Variants in TRIM60 observed in about 807,000 individuals in gnomAD.
TRIM60 encodes tripartite motif-containing protein 60.
For missense variants in TRIM60, 524 were observed against 540.8 expected, an observed-to-expected ratio of 0.97 and a Z score of 0.31; for synonymous variants, 189 against 195.2, an observed-to-expected ratio of 0.97 and a Z score of 0.27.
At chr4:165,034,606 G>A (rs1420399031) in intron 1 of TRIM60, among the ~76,000 whole-genome samples, 1 of 152,200 alleles carries the variant, frequency 6.6e-6, no homozygotes, top group Non-Finnish European at 1.5e-5. Context: ...TAAACATGGT[G>A]TGTTAAAACA....
intron 1 of TRIM60, among the ~76,000 whole-genome samples, chr4:165,037,239 T>C (rs1579180258): frequency 6.6e-6 from 1 of 152,162 alleles, no homozygotes; most frequent in Admixed American, 6.5e-5. Context: ...ACGGATAGCG[T>C]GCTTAGTGAT....
intron 2 of TRIM60, 71 bp from the exon 3 acceptor site, chr4:165,039,998 A>G: frequency 7.9e-7 from 1 of 1,273,356 alleles, no homozygotes; most frequent in Non-Finnish European, 1.1e-6. Flanking sequence ...TCCACTTCTC[A>G]CTGGGTTTGC....
In TRIM60 at chr4:165,041,138, G is replaced by A; in HGVS notation, c.1066G>A (p.Val356Met). 1 of 1,614,190 alleles carries A rather than the reference G, an allele frequency of 6.2e-7. No individual in the cohort carries two copies. The highest frequency in any genetic ancestry group is 8.5e-7 in the Non-Finnish European group (1 of 1,180,032). Residue 356 changes from valine to methionine, a missense_variant, in exon 3 of 3, where the codon GTG becomes ATG. By Grantham distance (21) the Val-to-Met change is conservative (BLOSUM62 1). Coordinates refer to ENST00000512596, the MANE Select transcript of TRIM60 (RefSeq NM_152620.3). ...TGGCCGACATTACTGGGAAGTAGAAGTGGGAAACAAACCTAAATGGATATT... is the reference window on the plus strand; with the variant it reads ...TGGCCGACATTACTGGGAAGTAGAAATGGGAAACAAACCTAAATGGATATT... ...SSGRHYWEVE[V>M]GNKPKWILGV...
At chr4:165,037,735 A>G (rs1303623414) in intron 1 of TRIM60, among the ~76,000 whole-genome samples, 1 of 152,088 alleles carries the variant, frequency 6.6e-6, no homozygotes, top group Non-Finnish European at 1.5e-5. Context: ...TTCATATTAG[A>G]ATAATTCTGA....
chr4:165,032,870 C>G (rs1020138628), intron 1 of TRIM60, among the ~76,000 whole-genome samples: 1 of 152,062 alleles, frequency 6.6e-6, no homozygotes, highest in Non-Finnish European at 1.5e-5. Flanking sequence ...ATTCACTGAG[C>G]CCACACTATG....
intron 1 of TRIM60, among the ~76,000 whole-genome samples, chr4:165,033,649 G>T (rs1733555940): frequency 6.6e-6 from 1 of 152,160 alleles, no homozygotes; most frequent in Non-Finnish European, 1.5e-5. Flanking sequence ...CAAAAATAAA[G>T]CCAGACACTG....
At chr4:165,035,970 G>A (rs564379375) in intron 1 of TRIM60, among the ~76,000 whole-genome samples, 7 of 152,216 alleles carry the variant, frequency 4.6e-5, no homozygotes, top group East Asian at 3.9e-4. Flanking sequence ...TGATCTGCCC[G>A]CCTTGGCCTC....
At position 165,041,256 on chromosome 4, in the gene TRIM60, G is replaced by T; in HGVS notation, c.1184G>T (p.Gly395Val). ...FWAIGRYMKS[G>V]YVASGPKTTQ... ...GCAATTGGGCGATACATGAAGAGTG[G>T]TTATGTTGCGTCAGGTCCTAAGACA... The change falls in exon 3 of 3, where the codon GGT (glycine) becomes GTT (valine). Residue 395 changes from glycine to valine, a missense_variant. Gly to Val is a moderately radical substitution (Grantham distance 109). Coordinates refer to ENST00000512596, the MANE Select transcript of TRIM60 (RefSeq NM_152620.3). The T allele has an allele frequency of 1.2e-6, 2 of 1,614,180 alleles. No individual in the cohort carries two copies. Among genetic ancestry groups the T allele is most frequent in the Non-Finnish European group, 1.7e-6 (2 of 1,180,036 alleles).
rs150941153 is a variant in TRIM60, at chr4:165,038,766, A to G, written c.-56-435A>G. 3.9e-3 allele frequency among the ~76,000 whole-genome samples: 588 copies of G among 151,634 alleles called. 5 individuals carry two copies. The highest frequency in any genetic ancestry group is 0.012 in the East Asian group (60 of 5,118). On this transcript the variant is annotated intron_variant, in intron 1 of 2. Coordinates refer to ENST00000512596, the MANE Select transcript of TRIM60 (RefSeq NM_152620.3). ...TTCATTGTTATATATACATACATAC[A>G]TTTTTATATATAGTTTTATATTATA...
At chr4:165,035,952 A>G (rs1249441339) in intron 1 of TRIM60, among the ~76,000 whole-genome samples, 1 of 152,062 alleles carries the variant, frequency 6.6e-6, no homozygotes, top group Non-Finnish European at 1.5e-5. Flanking sequence ...TGAACTCCTG[A>G]CCTCAGGTGA....
At chr4:165,034,615 C>T (rs962725997) in intron 1 of TRIM60, among the ~76,000 whole-genome samples, 29 of 152,122 alleles carry the variant, frequency 1.9e-4, no homozygotes, top group African/African-American at 6.3e-4. Context: ...TGTGTTAAAA[C>T]AAGGATTAGG....
intron 1 of TRIM60, among the ~76,000 whole-genome samples, chr4:165,036,928 G>C (rs1227933776): frequency 1.3e-5 from 2 of 151,370 alleles, no homozygotes; most frequent in South Asian, 4.2e-4. Context: ...GGGCACAGTG[G>C]CTTACGCCTG....
Position 165,040,359 on chromosome 4 carries a change from T to C in TRIM60, c.287T>C (p.Met96Thr). ...AGAAAGAGGCAGAAAGAGAATGCCATGTGTGAAAAACACAACCAGTTTCTG... is the reference window on the plus strand; with the variant it reads ...AGAAAGAGGCAGAAAGAGAATGCCACGTGTGAAAAACACAACCAGTTTCTG... Reference protein sequence around the residue: ...SKRKRQKENAMCEKHNQFLTL... With the variant: ...SKRKRQKENATCEKHNQFLTL... The change falls in exon 3 of 3, where the codon ATG (methionine) becomes ACG (threonine). Residue 96 changes from methionine (M) to threonine (T), a missense_variant. Coordinates refer to ENST00000512596, the MANE Select transcript of TRIM60 (RefSeq NM_152620.3). 3 of 1,614,214 alleles carry C rather than the reference T, an allele frequency of 1.9e-6. No individual in the cohort carries two copies. The highest frequency in any genetic ancestry group is 2.5e-6 in the Non-Finnish European group (3 of 1,180,042).
chr4:165,036,256 T>C (rs1164605212), intron 1 of TRIM60, among the ~76,000 whole-genome samples: 2 of 152,168 alleles, frequency 1.3e-5, no homozygotes, highest in African/African-American at 4.8e-5. Context: ...TTTAATGCTT[T>C]CAGCTTTCTG....
At position 165,037,545 on chromosome 4, in the gene TRIM60, C is replaced by T. The variant is rs544177620; in HGVS notation, c.-56-1656C>T. ...TCACCATGTTGGCCAGGATGGTCTCCGTCTCTTGATCTCGTGATCTGCCTG... is the reference window on the plus strand; with the variant it reads ...TCACCATGTTGGCCAGGATGGTCTCTGTCTCTTGATCTCGTGATCTGCCTG... On this transcript the variant is annotated intron_variant, in intron 1 of 2. Coordinates refer to ENST00000512596, the MANE Select transcript of TRIM60 (RefSeq NM_152620.3). 4.6e-5 allele frequency among the ~76,000 whole-genome samples: 7 copies of T among 151,944 alleles called. No homozygotes were observed. In the South Asian group the frequency reaches 1.2e-3, roughly 27 times the overall value.
chr4:165,035,373 G>A (rs1733597927), intron 1 of TRIM60, among the ~76,000 whole-genome samples: 1 of 152,106 alleles, frequency 6.6e-6, no homozygotes, highest in Non-Finnish European at 1.5e-5. Flanking sequence ...CAACAATTAT[G>A]GTTTATTATA....
chr4:165,032,548 C>A lies in TRIM60; in HGVS notation c.-57+436C>A, dbSNP rs1409080030. 2.0e-5 allele frequency among the ~76,000 whole-genome samples: 3 copies of A among 152,296 alleles called. No individual in the cohort carries two copies. In the East Asian group the frequency reaches 5.8e-4, roughly 29 times the overall value. ...ACAGGCGTGAGCCACCGTGCTCGGC[C>A]GGATTCTGTTTTCGCCGCGGAGGCA... On this transcript the variant is annotated intron_variant, in intron 1 of 2. Coordinates refer to ENST00000512596, the MANE Select transcript of TRIM60 (RefSeq NM_152620.3).
At position 165,041,500 on chromosome 4, in the gene TRIM60, A is replaced by G; in HGVS notation, c.*12A>G. 3 of 1,502,778 alleles carry G rather than the reference A, an allele frequency of 2.0e-6. No individual in the cohort carries two copies. Among genetic ancestry groups the G allele is most frequent in the South Asian group, 2.8e-5 (2 of 71,062 alleles). 93.1% of individuals were successfully genotyped at this position (1,502,778 alleles called of 1,614,324 possible). On this transcript the variant is annotated 3_prime_UTR_variant, in exon 3 of 3. Coordinates refer to ENST00000512596, the MANE Select transcript of TRIM60 (RefSeq NM_152620.3). ...ATTCTGAAAGATAAGGAACTGGTAA[A>G]TGGGTCTGTTTCAGTTTTTGTAGGT...
chr4:165,041,347 TCTTTC>T lies in TRIM60; in HGVS notation c.1280_1284del (p.Ser427LeufsTer2). ...TTTTTCTGGACTATGAATTGGGTGA[TCTTTC>T]CTTTTATAATATGAATGATAGGTCT... On this transcript the variant is annotated frameshift_variant, in exon 3 of 3. Transcript: ENST00000512596. LOFTEE classifies it low-confidence loss of function (END_TRUNC). 1 of 1,614,166 alleles carries T rather than the reference TCTTTC, an allele frequency of 6.2e-7. No individual in the cohort carries two copies. Among genetic ancestry groups the T allele is most frequent in the African/African-American group, 1.3e-5 (1 of 75,036 alleles).
Sources: gnomAD v4.1 joint callset for allele counts (sites outside exome capture counted in the v4.1 genomes callset) on GRCh38, gnomAD v4.1.1 for gene constraint, MANE v1.5 for transcripts, NCBI Gene and HGNC (gene_info 2026-07-23, HGNC 2026-07-21) for gene names.